Variants in PALLD observed in about 807,000 individuals in gnomAD.
PALLD encodes the protein palladin.
PALLD carries 61 observed loss-of-function variants against 123.5 expected under a neutral mutation model. The ratio of observed to expected loss-of-function variants is 0.49; its 90% CI spans 0.40 to 0.61. The LOEUF is 0.61. Ranked by LOEUF, PALLD falls within the 20% of genes least tolerant of loss-of-function variation. The pLI, the probability that PALLD is intolerant of heterozygous loss-of-function variation, is 0.00. For synonymous variants in PALLD, 465 were observed against 496.4 expected (o/e 0.94, Z 0.84); for missense variants, 1,273 against 1,377.0 (o/e 0.92, Z 1.20).
chr4:168,789,747 CACAA>C (rs1424522846), intron 10 of PALLD, among the ~76,000 whole-genome samples: 1 of 149,760 alleles, frequency 6.7e-6, no homozygotes, highest in Non-Finnish European at 1.5e-5. Flanking sequence ...ATAACTTGAA[CACAA>C]ACACTTTCGT....
intron 10 of PALLD, among the ~76,000 whole-genome samples, chr4:168,830,943 T>C (rs1460132554): frequency 6.6e-6 from 1 of 152,230 alleles, no homozygotes. Context: ...CGAAACAGCC[T>C]GGCACAACAG....
rs574587882 is a variant in PALLD at position 168,603,157 on chromosome 4, A to G, written c.909-65033A>G. Among the ~76,000 whole-genome samples, 6 of 152,280 alleles carry G rather than the reference A, an allele frequency of 3.9e-5. No individual in the cohort carries two copies. The East Asian group carries it at 7.7e-4, about 20-fold the overall frequency. On this transcript the variant is annotated intron_variant, in intron 2 of 21. Transcript: ENST00000505667. ...TTCTATCAAATACATATTTATCTCT[A>G]ATTTAAGGACTGGCAATGGAGAATT... is the stretch of plus-strand genomic sequence containing the variant.
intron 10 of PALLD, among the ~76,000 whole-genome samples, chr4:168,858,745 G>A (rs1432646038): frequency 1.3e-5 from 2 of 151,638 alleles, no homozygotes; most frequent in African/African-American, 4.8e-5. Flanking sequence ...TAGTGCCACC[G>A]CACTCCAACC....
At chr4:168,717,300 C>A (rs1035724526) in intron 10 of PALLD, among the ~76,000 whole-genome samples, 1 of 152,040 alleles carries the variant, frequency 6.6e-6, no homozygotes, top group African/African-American at 2.4e-5. Context: ...GATCTCCCAC[C>A]TTTAGAGCAA....
chr4:168,736,226 T>A (rs1787742656), intron 10 of PALLD, among the ~76,000 whole-genome samples: 1 of 152,248 alleles, frequency 6.6e-6, no homozygotes, highest in Non-Finnish European at 1.5e-5. Flanking sequence ...AATTAATAAT[T>A]ACTACACTTT....
Position 168,597,888 on chromosome 4 carries a change from C to T in PALLD, c.909-70302C>T, listed in dbSNP as rs1772152216. On this transcript the variant is annotated intron_variant, in intron 2 of 21. Coordinates refer to ENST00000505667, the MANE Select transcript of PALLD (RefSeq NM_001166108.2). ...TTCTTTGTAGTTGATGTGCTTGTCA[C>T]AGTGGTGTGTTATGAGCTTTACATT... Among the ~76,000 whole-genome samples the T allele has an allele frequency of 3.9e-5, 6 of 152,206 alleles. No homozygotes were observed. The South Asian group carries it at 1.2e-3, about 32-fold the overall frequency.
chr4:168,794,262 C>T (rs1337781370), intron 10 of PALLD, among the ~76,000 whole-genome samples: 7 of 152,232 alleles, frequency 4.6e-5, no homozygotes, highest in Non-Finnish European at 5.9e-5. Context: ...GGCCTGTCCT[C>T]GGGCAGTGAG....
chr4:168,512,477 A>C, intron 2 of PALLD, 65 bp downstream of exon 2: 1 of 1,398,832 alleles, frequency 7.1e-7, no homozygotes. Context: ...TTAATATGGG[A>C]GGAAGAAAGA....
intron 2 of PALLD, among the ~76,000 whole-genome samples, chr4:168,629,883 T>C (rs1379631125): frequency 6.6e-6 from 1 of 152,174 alleles, no homozygotes; most frequent in African/African-American, 2.4e-5. Context: ...TTCAGTTTCA[T>C]CCCCACAAGC....
chr4:168,651,143 A>G (rs1778000522), intron 2 of PALLD, among the ~76,000 whole-genome samples: 1 of 152,206 alleles, frequency 6.6e-6, no homozygotes, highest in African/African-American at 2.4e-5. Flanking sequence ...AAATCTGTAA[A>G]TTCTGGTTAT....
chr4:168,797,689 G>A (rs1476859549), intron 10 of PALLD, among the ~76,000 whole-genome samples: 1 of 152,106 alleles, frequency 6.6e-6, no homozygotes, highest in African/African-American at 2.4e-5. Context: ...TATTCCATAT[G>A]TTACCTTGCA....
chr4:168,902,636 G>A (rs1468572748), intron 14 of PALLD, among the ~76,000 whole-genome samples: 21 of 152,088 alleles, frequency 1.4e-4, no homozygotes, highest in African/African-American at 2.9e-4. Flanking sequence ...GCAACGGAGC[G>A]AGACCCTGTC....
chr4:168,770,887 C>A (rs150146637), intron 10 of PALLD, among the ~76,000 whole-genome samples: 1 of 152,066 alleles, frequency 6.6e-6, no homozygotes, highest in Non-Finnish European at 1.5e-5. Flanking sequence ...GGCAAAACCC[C>A]GTTTCTACTA....
chr4:168,598,730 G>T, intron 2 of PALLD: 1 of 409,492 alleles, frequency 2.4e-6, no homozygotes. Context: ...CCTCCTATCT[G>T]GACCTGAGCC....
chr4:168,530,304 A>AT (rs1764481821), intron 2 of PALLD, among the ~76,000 whole-genome samples: 1 of 152,144 alleles, frequency 6.6e-6, no homozygotes, highest in African/African-American at 2.4e-5. Context: ...CTTGCTATTG[A>AT]TGTCCATTAC....
At chr4:168,745,852 T>C (rs1730217702) in intron 10 of PALLD, among the ~76,000 whole-genome samples, 1 of 152,190 alleles carries the variant, frequency 6.6e-6, no homozygotes, top group Non-Finnish European at 1.5e-5. Flanking sequence ...TTGAGGACTA[T>C]ATGCAGGAGA....
intron 12 of PALLD, among the ~76,000 whole-genome samples, chr4:168,895,929 C>T (rs1226272025): frequency 1.3e-5 from 2 of 152,192 alleles, no homozygotes; most frequent in African/African-American, 2.4e-5. Context: ...GCATTTAAGG[C>T]GGGGCGCAGT....
At chr4:168,899,461 G>A (rs1435510155) in intron 14 of PALLD, among the ~76,000 whole-genome samples, 1 of 152,182 alleles carries the variant, frequency 6.6e-6, no homozygotes, top group Non-Finnish European at 1.5e-5. Context: ...GCCAAAAGCT[G>A]AGAAATGTGA....
At chr4:168,808,906 G>A (rs560657753) in intron 10 of PALLD, among the ~76,000 whole-genome samples, 5 of 152,280 alleles carry the variant, frequency 3.3e-5, no homozygotes, top group Admixed American at 2.6e-4. Context: ...ATGAGATTTG[G>A]GTGGGGACAC....
Sources: allele counts gnomAD v4.1 joint callset (sites outside exome capture counted in the v4.1 genomes callset), GRCh38; gene constraint gnomAD v4.1.1; transcripts MANE v1.5; gene names NCBI Gene and HGNC (gene_info 2026-07-23, HGNC 2026-07-21).